SLCO1B3: variants seen among roughly 807,000 people sequenced by gnomAD.
SLCO1B3 encodes the protein liver-specific organic anion transporter 2.
In SLCO1B3, 72 loss-of-function variants were observed where a neutral mutation model predicts 71.8. The observed-to-expected ratio is 1.00, with a 90% CI of 0.83 to 1.22. SLCO1B3 has a LOEUF of 1.22. Among genes scored for constraint, SLCO1B3 ranks in the 50% most tolerant of loss-of-function variants. SLCO1B3 has a pLI of 0.00. For synonymous variants in SLCO1B3, 298 were observed against 278.4 expected (o/e 1.07, Z -0.70); for missense variants, 911 against 819.7 (o/e 1.11, Z -1.36).
chr12:20,812,562 A>G (rs1435517977), intron 1 of SLCO1B3, among the ~76,000 whole-genome samples: 1 of 152,222 alleles, frequency 6.6e-6, no homozygotes, highest in African/African-American at 2.4e-5. Context: ...TACATCTGCA[A>G]GTGCTTATGG....
intron 3 of SLCO1B3, among the ~76,000 whole-genome samples, chr12:20,828,397 CAG>C (rs1289579850): frequency 1.3e-5 from 2 of 150,728 alleles, no homozygotes; most frequent in East Asian, 2.0e-4. Flanking sequence ...TAAGGAAAAA[CAG>C]AGATTTCTCC....
chr12:20,865,823 T>C (rs183777372), intron 8 of SLCO1B3, among the ~76,000 whole-genome samples: 2 of 152,220 alleles, frequency 1.3e-5, no homozygotes, highest in African/African-American at 4.8e-5. Context: ...GAGAAACTCT[T>C]ATAGACCTTA....
At chr12:20,841,366 ATCTCATG>A (rs1383613204) in intron 3 of SLCO1B3, among the ~76,000 whole-genome samples, 2 of 152,162 alleles carry the variant, frequency 1.3e-5, no homozygotes, top group Non-Finnish European at 2.9e-5. Context: ...GTATTCACTT[ATCTCATG>A]TCTTATCAGT....
At chr12:20,866,493 T>C (rs1349654201) in intron 8 of SLCO1B3, among the ~76,000 whole-genome samples, 1 of 152,116 alleles carries the variant, frequency 6.6e-6, no homozygotes, top group Non-Finnish European at 1.5e-5. Context: ...AGTCATTATA[T>C]GAAAACTTAA....
chr12:20,889,887 CTTTA>C (rs906203926), intron 13 of SLCO1B3, among the ~76,000 whole-genome samples: 2 of 149,856 alleles, frequency 1.3e-5, no homozygotes, highest in Non-Finnish European at 3.0e-5. Flanking sequence ...TATGTTGTGT[CTTTA>C]TTTTCATTCA....
intron 3 of SLCO1B3, among the ~76,000 whole-genome samples, chr12:20,823,302 TA>T (rs1195854305): frequency 9.2e-5 from 14 of 151,412 alleles, no homozygotes; most frequent in African/African-American, 2.2e-4. Context: ...AATTGGACAA[TA>T]GGGGGAAAAG....
intron 9 of SLCO1B3, 71 bp from the exon 10 acceptor site, chr12:20,877,701 C>G: frequency 1.5e-6 from 1 of 659,386 alleles, no homozygotes. Flanking sequence ...TCTTATATAA[C>G]TTATATTTAC....
chr12:20,822,651 T>C (rs1034277076), intron 3 of SLCO1B3, among the ~76,000 whole-genome samples: 4 of 152,154 alleles, frequency 2.6e-5, no homozygotes, highest in African/African-American at 9.7e-5. Flanking sequence ...TGAATCTACA[T>C]GTTGCAAGAG....
At position 20,875,413 on chromosome 12, in the gene SLCO1B3, T is replaced by C; in HGVS notation, c.906T>C (p.Asn302=). The C allele has an allele frequency of 6.2e-7, 1 of 1,607,338 alleles. No homozygotes were observed. Among genetic ancestry groups the C allele is most frequent in the Non-Finnish European group, 8.5e-7 (1 of 1,178,142 alleles). The change falls in exon 9 of 16, where the codon AAT becomes AAC. Residue 302 remains asparagine, a synonymous_variant. Transcript: ENST00000381545. ...ISLSLHVLKT[N]DDRNQTANLT... is the part of the protein sequence containing the mutation. ...TATCATTGCATGTGCTGAAAACAAATGATGATAGAAATCAAACAGCTAATT... is the reference window on the plus strand; with the variant it reads ...TATCATTGCATGTGCTGAAAACAAACGATGATAGAAATCAAACAGCTAATT...
chr12:20,849,765 C>T (rs1052522563), intron 3 of SLCO1B3, among the ~76,000 whole-genome samples: 1 of 150,346 alleles, frequency 6.7e-6, no homozygotes, highest in Non-Finnish European at 1.5e-5. Context: ...TGTTTCTGTA[C>T]ACCGGGAATA....
chr12:20,812,053 A>G (rs1360426649), intron 1 of SLCO1B3, among the ~76,000 whole-genome samples: 1 of 151,968 alleles, frequency 6.6e-6, no homozygotes, highest in African/African-American at 2.4e-5. Flanking sequence ...GATTACAGGC[A>G]TGTACCACCA....
intron 12 of SLCO1B3, among the ~76,000 whole-genome samples, chr12:20,882,178 A>C (rs917319616): frequency 2.0e-5 from 3 of 152,156 alleles, no homozygotes; most frequent in East Asian, 1.9e-4. Context: ...CTCTGTCTTC[A>C]TGGAGACATC....
intron 8 of SLCO1B3, among the ~76,000 whole-genome samples, chr12:20,866,072 A>AT (rs2121264703): frequency 6.6e-6 from 1 of 152,114 alleles, no homozygotes; most frequent in South Asian, 2.1e-4. Context: ...TTTTCTGCGT[A>AT]TTTTTCATCC....
At chr12:20,823,953 C>T (rs1263589032) in intron 3 of SLCO1B3, among the ~76,000 whole-genome samples, 2 of 152,060 alleles carry the variant, frequency 1.3e-5, no homozygotes, top group African/African-American at 4.8e-5. Flanking sequence ...CAGTCAAGGA[C>T]TTAGTAAAAT....
chr12:20,844,028 C>T (rs991563683), intron 3 of SLCO1B3, among the ~76,000 whole-genome samples: 2 of 150,912 alleles, frequency 1.3e-5, no homozygotes, highest in Non-Finnish European at 2.9e-5. Context: ...AAATTTTCTC[C>T]TCTTCAACTT....
At chr12:20,867,620 G>T (rs1865398616) in intron 8 of SLCO1B3, among the ~76,000 whole-genome samples, 1 of 152,200 alleles carries the variant, frequency 6.6e-6, no homozygotes, top group Non-Finnish European at 1.5e-5. Flanking sequence ...ACATCAGACA[G>T]TCTGGCAGAA....
intron 3 of SLCO1B3, among the ~76,000 whole-genome samples, chr12:20,852,820 A>AT (rs1003021919): frequency 6.6e-6 from 1 of 151,946 alleles, no homozygotes; most frequent in Admixed American, 6.6e-5. Context: ...TTTTTTCTAA[A>AT]TTTTTTTTGG....
intron 13 of SLCO1B3, among the ~76,000 whole-genome samples, chr12:20,887,541 G>A (rs983318679): frequency 2.0e-5 from 3 of 151,414 alleles, no homozygotes; most frequent in African/African-American, 4.8e-5. Context: ...TGTTCATGTC[G>A]TTTACCCACT....
intron 3 of SLCO1B3, among the ~76,000 whole-genome samples, chr12:20,839,209 A>C (rs1864743536): frequency 6.6e-6 from 1 of 151,100 alleles, no homozygotes; most frequent in African/African-American, 2.4e-5. Context: ...AGATCAATTA[A>C]GAATTAAAAA....
Sources: allele counts gnomAD v4.1 joint callset (sites outside exome capture counted in the v4.1 genomes callset), GRCh38; gene constraint gnomAD v4.1.1; transcripts MANE v1.5; gene names NCBI Gene and HGNC (gene_info 2026-07-23, HGNC 2026-07-21).